Variants in ACSL1 observed in about 807,000 individuals in gnomAD.
ACSL1 encodes the protein long-chain-fatty-acid--CoA ligase 1.
ACSL1 carries 41 observed loss-of-function variants against 98.4 expected under a neutral mutation model. The observed-to-expected ratio is 0.42, with a 90% CI of 0.32 to 0.54. The LOEUF is 0.54. Ranked by LOEUF, ACSL1 falls within the 20% of genes least tolerant of loss-of-function variation. The pLI, the probability that ACSL1 is intolerant of heterozygous loss-of-function variation, is 0.13. For missense variants in ACSL1, 734 were observed against 883.1 expected, an observed-to-expected ratio of 0.83 and a Z score of 2.14; for synonymous variants, 316 against 322.7, an observed-to-expected ratio of 0.98 and a Z score of 0.22.
At chr4:184,811,321 C>T (rs185373801) in intron 1 of ACSL1, among the ~76,000 whole-genome samples, 79 of 151,996 alleles carry the variant, frequency 5.2e-4, no homozygotes, top group East Asian at 1.9e-3. Flanking sequence ...ACCGTGTTGG[C>T]CAGGATGGTC....
At chr4:184,772,975 C>G (rs1462136666) in intron 10 of ACSL1, 106 bp downstream of exon 10, 4 of 1,059,674 alleles carry the variant, frequency 3.8e-6, no homozygotes, top group Non-Finnish European at 5.6e-6. Flanking sequence ...CACATCGTTT[C>G]TAAATGCCAC....
intron 16 of ACSL1, 79 bp from the exon 17 acceptor site, chr4:184,762,602 T>C: frequency 1.4e-5 from 17 of 1,256,200 alleles, no homozygotes; most frequent in Non-Finnish European, 1.9e-5. Flanking sequence ...TGTGTGTACG[T>C]GTGTGTCTGC....
chr4:184,787,125 G>C (rs1287088618), intron 3 of ACSL1, among the ~76,000 whole-genome samples: 1 of 152,196 alleles, frequency 6.6e-6, no homozygotes, highest in Non-Finnish European at 1.5e-5. Context: ...AGCATCAGAG[G>C]ATTTAAATAA....
chr4:184,784,394 A>C (rs1392338033), intron 3 of ACSL1, among the ~76,000 whole-genome samples: 1 of 152,206 alleles, frequency 6.6e-6, no homozygotes, highest in African/African-American at 2.4e-5. Context: ...AAGAAGTCTA[A>C]AGCATTCTAA....
At position 184,825,897 on chromosome 4, in the gene ACSL1, GCA is replaced by G. The variant is rs1446801485; in HGVS notation, c.-33+17_-33+18del. 6.7e-6 allele frequency: 1 copy of G among 148,388 alleles called. No individual in the cohort carries two copies. Among genetic ancestry groups the G allele is most frequent in the African/African-American group, 2.4e-5 (1 of 41,050 alleles). 9.2% of individuals were successfully genotyped at this position (148,388 alleles called of 1,614,324 possible). A position where few individuals can be genotyped will look rare whatever the true frequency, so the allele number is the denominator to read the frequency against. On this transcript the variant is annotated intron_variant, in intron 1 of 20. Transcript: ENST00000281455. This position sits in a 1 kb window ranked among gnomAD's most constrained non-coding sequence, Gnocchi z 4.7. ...CCGCCGCGGGAGCAGGCGCGGCTCC[GCA>G]CGGCGGGCGCACTCACCTCCTCCGT...
upstream of ACSL1, among the ~76,000 whole-genome samples, chr4:184,826,332 C>T (rs1176883390): frequency 1.3e-5 from 2 of 152,188 alleles, no homozygotes; most frequent in African/African-American, 4.8e-5. Context: ...GGACCCTGGG[C>T]CCCGCGATGC....
At chr4:184,761,993 G>C (rs916927457) in intron 17 of ACSL1, among the ~76,000 whole-genome samples, 7 of 152,022 alleles carry the variant, frequency 4.6e-5, no homozygotes, top group African/African-American at 1.7e-4. Flanking sequence ...CAGGTGTGGT[G>C]GTGGGCACCT....
At chr4:184,826,208 C>T (rs56302210), upstream of ACSL1, 41,766 of 150,670 alleles carry the variant, frequency 0.28, 8,538 homozygotes, top group African/African-American at 0.58. Flanking sequence ...GGCCGGCGGT[C>T]GAGAGGCTGC....
At chr4:184,826,038 C>A, upstream of ACSL1, 1 of 148,180 alleles carries the variant, frequency 6.7e-6, no homozygotes, top group South Asian at 2.0e-4. Flanking sequence ...TGGTTGCGCC[C>A]CCGCCACCGC....
chr4:184,788,741 A>C lies in ACSL1; in HGVS notation c.196-10T>G, dbSNP rs750676985. 1 of 1,611,810 alleles carries C rather than the reference A, an allele frequency of 6.2e-7. No individual in the cohort carries two copies. The highest frequency in any genetic ancestry group is 1.7e-5 in the Admixed American group (1 of 60,024). On this transcript the variant is annotated splice_polypyrimidine_tract_variant and intron_variant, in intron 2 of 20. Coordinates refer to ENST00000281455, the MANE Select transcript of ACSL1 (RefSeq NM_001995.5). ...GTGCACCACCACTACCCTATCAAAA[A>C]AGAAAGGGGGGCAGGTTAGAAGGCA...
chr4:184,806,153 C>T (rs572195316), intron 1 of ACSL1, among the ~76,000 whole-genome samples: 19 of 152,280 alleles, frequency 1.2e-4, no homozygotes, highest in Admixed American at 2.6e-4. Flanking sequence ...GGCTAACCTT[C>T]TAGCAGGGAA....
At chr4:184,788,800 C>A in intron 2 of ACSL1, 69 bp from the exon 3 acceptor site, 1 of 1,184,670 alleles carries the variant, frequency 8.4e-7, no homozygotes, top group South Asian at 1.2e-5. Context: ...ATGGCTAAAT[C>A]AAGCTAATTA....
intron 1 of ACSL1, among the ~76,000 whole-genome samples, chr4:184,814,255 C>T (rs1772405692): frequency 7.3e-6 from 1 of 136,874 alleles, no homozygotes; most frequent in African/African-American, 2.7e-5. Context: ...CGTGCCACTG[C>T]TCTCCAGCCT....
At chr4:184,772,921 GAGA>G (rs1764720297) in intron 10 of ACSL1, among the ~76,000 whole-genome samples, 157 bp downstream of exon 10, 1 of 152,192 alleles carries the variant, frequency 6.6e-6, no homozygotes, top group Middle Eastern at 3.2e-3. Context: ...TGAAAAAAGA[GAGA>G]AGGTGGACTT....
chr4:184,799,424 C>T (rs908543761), intron 2 of ACSL1, among the ~76,000 whole-genome samples: 2 of 152,126 alleles, frequency 1.3e-5, no homozygotes, highest in African/African-American at 4.8e-5. Flanking sequence ...GCCCACTACC[C>T]GATTCTTGAC....
rs1341036885 is a variant in ACSL1, at chr4:184,825,420, G to A, written c.-33+496C>T. On this transcript the variant is annotated intron_variant, in intron 1 of 20. Transcript: ENST00000281455. The surrounding 1 kb of genome is among the most constrained non-coding windows in gnomAD (Gnocchi z 4.7). The stretch of plus-strand genomic sequence containing the variant: ...TGTGGGCCTCGTGCCGCCGCGCTGC[G>A]TGGGGCCGGCATCTCAGCGGGCGCG... 1.3e-5 allele frequency among the ~76,000 whole-genome samples: 2 copies of A among 152,066 alleles called. No individual in the cohort carries two copies. Among genetic ancestry groups the A allele is most frequent in the African/African-American group, 4.8e-5 (2 of 41,434 alleles).
chr4:184,763,300 A>G, intron 15 of ACSL1, 45 bp from the exon 16 acceptor site: 4 of 1,555,182 alleles, frequency 2.6e-6, no homozygotes, highest in Non-Finnish European at 3.5e-6. Context: ...GGAACTACTC[A>G]TAACCTCAGG....
Position 184,757,593 on chromosome 4 carries a change from A to G in ACSL1, c.1956+42T>C. On this transcript the variant is annotated intron_variant, in intron 20 of 20. Coordinates refer to ENST00000281455, the MANE Select transcript of ACSL1 (RefSeq NM_001995.5). This position sits in a 1 kb window ranked among gnomAD's most constrained non-coding sequence, Gnocchi z 4.5. ...ACCTGTAAAAAAATCTTAATGGAAA[A>G]TTTGTTTTACAGGAATTCACCCACT... The G allele has an allele frequency of 6.4e-7, 1 of 1,568,182 alleles. No homozygotes were observed. The highest frequency in any genetic ancestry group is 1.8e-4 in the Middle Eastern group (1 of 5,692).
At chr4:184,816,896 T>G (rs1056152159) in intron 1 of ACSL1, among the ~76,000 whole-genome samples, 3 of 152,122 alleles carry the variant, frequency 2.0e-5, no homozygotes, top group Non-Finnish European at 2.9e-5. Context: ...GCAACCTGAA[T>G]ATTGACTTGA....
Sources: gnomAD v4.1 joint callset for allele counts (sites outside exome capture counted in the v4.1 genomes callset) on GRCh38, gnomAD v4.1.1 for gene constraint, Gnocchi (gnomAD v3.1) non-coding constraint, MANE v1.5 for transcripts, NCBI Gene and HGNC (gene_info 2026-07-23, HGNC 2026-07-21) for gene names.